Variants in PDE7B observed in about 807,000 individuals in gnomAD.
The protein encoded by PDE7B is phosphodiesterase 7B, also known as 3',5'-cyclic-AMP phosphodiesterase 7B.
PDE7B carries 29 observed loss-of-function variants against 56.2 expected under a neutral mutation model. That is an observed-to-expected ratio of 0.52 (90% CI 0.38 to 0.70). The LOEUF (loss-of-function observed/expected upper bound fraction) is 0.70. Ranked by LOEUF, PDE7B falls within the 30% of genes least tolerant of loss-of-function variation. The probability of loss-of-function intolerance (pLI) is 0.00; values close to 1 mark genes in which losing one functional copy is unlikely to be tolerated. For synonymous variants in PDE7B, 197 were observed against 196.9 expected, an observed-to-expected ratio of 1.00 and a Z score of 0.00; for missense variants, 490 against 565.0, an observed-to-expected ratio of 0.87 and a Z score of 1.35.
chr6:136,173,850 A>G lies in PDE7B; in HGVS notation c.765A>G (p.Arg255=), dbSNP rs201283648. The change falls in exon 9 of 13, where the codon CGA becomes CGG. Residue 255 remains arginine (R), a synonymous_variant. Coordinates refer to ENST00000308191, the MANE Select transcript of PDE7B (RefSeq NM_018945.4). ...GGCGATCTACAATTGGCATGCTTCGAGAATCAAGGCTTCTTGCTCATTTGC... is the reference window on the plus strand; with the variant it reads ...GGCGATCTACAATTGGCATGCTTCGGGAATCAAGGCTTCTTGCTCATTTGC... ...HHWRSTIGML[R]ESRLLAHLPK... is the part of the protein sequence containing the mutation. The G allele has an allele frequency of 7.9e-5, 128 of 1,612,922 alleles. No individual in the cohort carries two copies. Among genetic ancestry groups the G allele is most frequent in the Non-Finnish European group, 1.0e-4 (121 of 1,179,138 alleles).
intron 2 of PDE7B, among the ~76,000 whole-genome samples, chr6:136,108,125 C>A (rs1452001566): frequency 6.9e-3 from 745 of 108,516 alleles, no homozygotes; most frequent in South Asian, 9.8e-3. Context: ...GACTCCATGT[C>A]AAAAAAAAAA....
intron 2 of PDE7B, chr6:136,064,323 C>G (rs1293032442): frequency 6.6e-6 from 1 of 152,164 alleles, no homozygotes; most frequent in Non-Finnish European, 1.5e-5. Context: ...AATTACCAAA[C>G]AGTAGGCAAA....
intron 2 of PDE7B, among the ~76,000 whole-genome samples, chr6:135,998,791 A>C (rs573399803): frequency 5.3e-5 from 8 of 150,900 alleles, no homozygotes; most frequent in South Asian, 4.2e-4. Flanking sequence ...CAAAAAAAAA[A>C]CACTCCTTAA....
intron 2 of PDE7B, among the ~76,000 whole-genome samples, chr6:136,099,548 A>G (rs1208592684): frequency 1.3e-5 from 2 of 151,860 alleles, no homozygotes; most frequent in South Asian, 2.1e-4. Context: ...ATTTTTTCAT[A>G]TGTCTGTTGG....
intron 1 of PDE7B, among the ~76,000 whole-genome samples, chr6:135,946,520 C>T (rs1489764915): frequency 1.3e-5 from 2 of 151,964 alleles, no homozygotes; most frequent in Admixed American, 6.6e-5. Flanking sequence ...TATTCCATCC[C>T]GCAATGTGTG....
At chr6:136,123,870 T>G (rs1777978376) in intron 3 of PDE7B, among the ~76,000 whole-genome samples, 2 of 152,172 alleles carry the variant, frequency 1.3e-5, no homozygotes, top group Admixed American at 1.3e-4. Flanking sequence ...ATCAGTGGGT[T>G]TTTATTTCAG....
At chr6:135,965,722 T>A (rs907690176) in intron 2 of PDE7B, among the ~76,000 whole-genome samples, 1 of 152,118 alleles carries the variant, frequency 6.6e-6, no homozygotes, top group Non-Finnish European at 1.5e-5. Flanking sequence ...GTCCCTCCCA[T>A]GACACATGGG....
chr6:135,868,669 T>C (rs1032732969), intron 1 of PDE7B, among the ~76,000 whole-genome samples: 2 of 152,178 alleles, frequency 1.3e-5, no homozygotes, highest in African/African-American at 4.8e-5. Context: ...TGATCTCAGG[T>C]GATCTGCCTG....
At chr6:136,148,397 A>T (rs949089571) in intron 4 of PDE7B, among the ~76,000 whole-genome samples, 2 of 143,570 alleles carry the variant, frequency 1.4e-5, no homozygotes, top group African/African-American at 5.4e-5. Flanking sequence ...GAAGGAAAGG[A>T]AAGAAAGAAG....
At chr6:135,943,567 G>C (rs969925839) in intron 1 of PDE7B, among the ~76,000 whole-genome samples, 1 of 152,224 alleles carries the variant, frequency 6.6e-6, no homozygotes, top group African/African-American at 2.4e-5. Context: ...CATTGGAGAA[G>C]AGTATTCCAT....
At chr6:136,001,010 G>A (rs903061587) in intron 2 of PDE7B, among the ~76,000 whole-genome samples, 2 of 152,210 alleles carry the variant, frequency 1.3e-5, no homozygotes, top group African/African-American at 4.8e-5. Context: ...AACTTCCAGA[G>A]GAACAATCAG....
intron 2 of PDE7B, chr6:136,095,818 T>C (rs1777462352): frequency 6.6e-6 from 1 of 152,178 alleles, no homozygotes; most frequent in African/African-American, 2.4e-5. Context: ...AGCACTGATC[T>C]AAGGGAGCTG....
At chr6:135,886,170 T>C (rs1412841618) in intron 1 of PDE7B, among the ~76,000 whole-genome samples, 6 of 151,896 alleles carry the variant, frequency 4.0e-5, no homozygotes, top group Non-Finnish European at 8.8e-5. Context: ...TACCGTTGAG[T>C]GCTTTTAAGG....
chr6:136,059,942 T>A (rs562917484), intron 2 of PDE7B, among the ~76,000 whole-genome samples: 1 of 152,180 alleles, frequency 6.6e-6, no homozygotes, highest in Non-Finnish European at 1.5e-5. Context: ...TGGAGAGGGA[T>A]AGGAAGACAT....
chr6:136,052,226 G>T (rs749051742), intron 2 of PDE7B, among the ~76,000 whole-genome samples: 1 of 152,184 alleles, frequency 6.6e-6, no homozygotes, highest in Non-Finnish European at 1.5e-5. Flanking sequence ...GAAGAGTTAC[G>T]CAAAGCAGTT....
intron 1 of PDE7B, among the ~76,000 whole-genome samples, chr6:135,905,731 G>A (rs1193711901): frequency 2.0e-5 from 3 of 152,152 alleles, no homozygotes; most frequent in Admixed American, 6.5e-5. Flanking sequence ...GTGTGGGTGC[G>A]AGGGTGTGGG....
chr6:135,926,798 G>A (rs909779702), intron 1 of PDE7B, among the ~76,000 whole-genome samples: 1 of 152,088 alleles, frequency 6.6e-6, no homozygotes, highest in Non-Finnish European at 1.5e-5. Flanking sequence ...TGCGGCAAGT[G>A]CTTAATAAAT....
chr6:136,037,560 G>A (rs1331675168), intron 2 of PDE7B: 6 of 985,416 alleles, frequency 6.1e-6, no homozygotes, highest in Non-Finnish European at 7.2e-6. Flanking sequence ...CCCCCATCAG[G>A]CCCTCCAGAG....
chr6:135,985,362 A>G (rs892491262), intron 2 of PDE7B, among the ~76,000 whole-genome samples: 1 of 152,208 alleles, frequency 6.6e-6, no homozygotes, highest in African/African-American at 2.4e-5. Flanking sequence ...GGACAAGGCA[A>G]CTAGAGGTTT....
Sources: allele counts gnomAD v4.1 joint callset (sites outside exome capture counted in the v4.1 genomes callset), GRCh38; gene constraint gnomAD v4.1.1; transcripts MANE v1.5; gene names NCBI Gene and HGNC (gene_info 2026-07-23, HGNC 2026-07-21).